The following PLPPR1 variants were observed in gnomAD, a reference collection of about 807,000 sequenced individuals.
PLPPR1 encodes phospholipid phosphatase-related protein type 1.
PLPPR1 carries 10 observed loss-of-function variants against 33.1 expected under a neutral mutation model. The ratio of observed to expected loss-of-function variants is 0.30; its 90% CI spans 0.19 to 0.51. PLPPR1 has a LOEUF of 0.51. PLPPR1 is among the 20% of genes least tolerant of loss of function. PLPPR1 has a pLI of 0.97. For missense variants in PLPPR1, 304 were observed against 408.1 expected (o/e 0.74, Z 2.20); for synonymous variants, 151 against 151.0 (o/e 1.00, Z 0.00).
intron 1 of PLPPR1, among the ~76,000 whole-genome samples, chr9:101,038,571 C>A (rs896514902): frequency 1.3e-5 from 2 of 152,074 alleles, no homozygotes; most frequent in Non-Finnish European, 2.9e-5. Flanking sequence ...AGTGATTTGT[C>A]CAGGGTTCCA....
intron 2 of PLPPR1, among the ~76,000 whole-genome samples, chr9:101,189,241 G>C (rs1588064682): frequency 6.6e-6 from 1 of 152,096 alleles, no homozygotes. Context: ...CTGAAGGGGA[G>C]AGCTTTCAGG....
Position 101,317,438 on chromosome 9 carries a change from G to A in PLPPR1, c.887G>A (p.Gly296Glu), listed in dbSNP as rs760048467. 1.2e-6 allele frequency: 2 copies of A among 1,614,026 alleles called. No homozygotes were observed. Among genetic ancestry groups the A allele is most frequent in the South Asian group, 2.2e-5 (2 of 91,068 alleles). Residue 296 changes from glycine to glutamate, a missense_variant, in exon 7 of 8, where the codon GGA becomes GAA. Physicochemically the swap from Gly to Glu is moderately conservative, Grantham distance 98 (BLOSUM62 -2). Transcript: ENST00000374874. ...PSKPKPEDPR[G>E]VPLMAFPRIE... ...AAACCCAAGCCTGAGGATCCCCGTG[G>A]AGTACCCCTAATGGCTTTCCCAAGG...
chr9:101,289,589 T>C (rs943409281), intron 4 of PLPPR1, among the ~76,000 whole-genome samples: 2 of 152,236 alleles, frequency 1.3e-5, no homozygotes, highest in Non-Finnish European at 2.9e-5. Flanking sequence ...GGTTCCCCCA[T>C]ACTGTTCTCA....
intron 1 of PLPPR1, among the ~76,000 whole-genome samples, chr9:101,143,510 A>C (rs924400045): frequency 8.5e-5 from 13 of 152,186 alleles, no homozygotes; most frequent in African/African-American, 3.1e-4. Context: ...AATGGGAGAA[A>C]ATTTTTACAA....
intron 1 of PLPPR1, among the ~76,000 whole-genome samples, chr9:101,117,342 G>C (rs529252713): frequency 1.1e-4 from 16 of 152,058 alleles, no homozygotes; most frequent in Admixed American, 3.9e-4. Context: ...GTGACCTCTA[G>C]TTGTCCTCAC....
chr9:101,200,233 G>T (rs1826468975), intron 2 of PLPPR1, among the ~76,000 whole-genome samples: 1 of 152,260 alleles, frequency 6.6e-6, no homozygotes, highest in African/African-American at 2.4e-5. Context: ...ACAGGAGTTT[G>T]ATATAGTCTC....
chr9:101,180,992 G>C (rs1213678083), intron 1 of PLPPR1, among the ~76,000 whole-genome samples: 1 of 151,254 alleles, frequency 6.6e-6, no homozygotes, highest in Admixed American at 6.6e-5. Context: ...CTGATGAGGG[G>C]CTAATATTTA....
At chr9:101,117,012 T>C (rs1831125659) in intron 1 of PLPPR1, among the ~76,000 whole-genome samples, 1 of 152,062 alleles carries the variant, frequency 6.6e-6, no homozygotes, top group African/African-American at 2.4e-5. Context: ...GGATATCATA[T>C]CATCGTTCCT....
intron 2 of PLPPR1, among the ~76,000 whole-genome samples, chr9:101,240,063 T>C (rs1365449159): frequency 6.6e-6 from 1 of 152,062 alleles, no homozygotes; most frequent in Non-Finnish European, 1.5e-5. Context: ...TTTAAGTTGA[T>C]TTTTGTAAAT....
At chr9:101,278,078 C>G (rs1430191372) in intron 3 of PLPPR1, among the ~76,000 whole-genome samples, 1 of 152,198 alleles carries the variant, frequency 6.6e-6, no homozygotes, top group Non-Finnish European at 1.5e-5. Flanking sequence ...AGAGCCACAA[C>G]TAGCATATGT....
At chr9:101,314,093 T>C (rs1829009686) in intron 6 of PLPPR1, among the ~76,000 whole-genome samples, 1 of 152,144 alleles carries the variant, frequency 6.6e-6, no homozygotes, top group Non-Finnish European at 1.5e-5. Flanking sequence ...TTATGATGAA[T>C]CATCAGGCCT....
At chr9:101,302,439 G>T (rs74733327) in intron 4 of PLPPR1, among the ~76,000 whole-genome samples, 1,846 of 152,280 alleles carry the variant, frequency 0.012, 28 homozygotes, top group African/African-American at 0.041. Context: ...TTTTCCTAAA[G>T]AAACTGTGGT....
chr9:101,237,750 C>T (rs556462133), intron 2 of PLPPR1, among the ~76,000 whole-genome samples: 7 of 132,634 alleles, frequency 5.3e-5, no homozygotes, highest in Non-Finnish European at 8.0e-5. Context: ...TATATATATA[C>T]ATATAGGCTA....
At chr9:101,076,859 G>A (rs1830544477) in intron 1 of PLPPR1, among the ~76,000 whole-genome samples, 1 of 152,148 alleles carries the variant, frequency 6.6e-6, no homozygotes, top group Non-Finnish European at 1.5e-5. Flanking sequence ...GATGATTCAA[G>A]AATGTTCTAG....
At chr9:101,039,467 G>A (rs1220061623) in intron 1 of PLPPR1, among the ~76,000 whole-genome samples, 3 of 152,020 alleles carry the variant, frequency 2.0e-5, no homozygotes, top group African/African-American at 7.2e-5. Context: ...CAGCTATAAG[G>A]GCTATATCAC....
intron 2 of PLPPR1, among the ~76,000 whole-genome samples, chr9:101,204,889 G>T (rs1405448948): frequency 6.6e-6 from 1 of 152,068 alleles, no homozygotes; most frequent in East Asian, 1.9e-4. Flanking sequence ...AGAAGTTTAG[G>T]TTCTATCTTT....
intron 1 of PLPPR1, among the ~76,000 whole-genome samples, chr9:101,052,463 T>C (rs1353262712): frequency 6.6e-6 from 1 of 152,196 alleles, no homozygotes; most frequent in African/African-American, 2.4e-5. Flanking sequence ...CAATCTATAA[T>C]ATTTTATAAT....
chr9:101,059,501 G>A (rs1253516264), intron 1 of PLPPR1, among the ~76,000 whole-genome samples: 1 of 151,978 alleles, frequency 6.6e-6, no homozygotes, highest in Non-Finnish European at 1.5e-5. Flanking sequence ...GAGGGAATAG[G>A]CATTATGGCT....
intron 1 of PLPPR1, among the ~76,000 whole-genome samples, chr9:101,040,683 A>G (rs1830066766): frequency 6.6e-6 from 1 of 152,208 alleles, no homozygotes; most frequent in Non-Finnish European, 1.5e-5. Context: ...TAAAACACTC[A>G]GCCCATTAAT....
Sources: allele counts gnomAD v4.1 joint callset (sites outside exome capture counted in the v4.1 genomes callset), GRCh38; gene constraint gnomAD v4.1.1; transcripts MANE v1.5; gene names NCBI Gene and HGNC (gene_info 2026-07-23, HGNC 2026-07-21).